Variants in MBD5 observed in about 807,000 individuals in gnomAD.
MBD5 encodes the protein methyl-CpG-binding domain protein 5.
Under a neutral mutation model 117.3 loss-of-function variants are expected in MBD5, and 13 were observed. The observed-to-expected ratio is 0.11, with a 90% CI of 0.07 to 0.18. MBD5 has a LOEUF of 0.18. Among genes scored for constraint, MBD5 ranks in the 10% least tolerant of loss-of-function variants. The pLI, the probability that MBD5 is intolerant of heterozygous loss-of-function variation, is 1.00. For synonymous variants in MBD5, 727 were observed against 766.4 expected, an observed-to-expected ratio of 0.95 and a Z score of 0.85; for missense variants, 1,879 against 2,093.8, an observed-to-expected ratio of 0.90 and a Z score of 2.00.
At chr2:148,445,424 A>G (rs1706467374) in intron 4 of MBD5, among the ~76,000 whole-genome samples, 1 of 150,988 alleles carries the variant, frequency 6.6e-6, no homozygotes, top group Admixed American at 6.6e-5. Flanking sequence ...GCTGAGAATG[A>G]TGGTTTCCAG....
At chr2:148,204,135 A>G (rs567185346) in intron 2 of MBD5, among the ~76,000 whole-genome samples, 8 of 152,216 alleles carry the variant, frequency 5.3e-5, no homozygotes, top group Non-Finnish European at 1.2e-4. Flanking sequence ...CCTACAATCC[A>G]GAAAGCAAGG....
intron 4 of MBD5, among the ~76,000 whole-genome samples, chr2:148,390,882 C>T (rs114922897): frequency 6.6e-6 from 1 of 152,246 alleles, no homozygotes; most frequent in Non-Finnish European, 1.5e-5. Context: ...TTGTTAATTA[C>T]AAATTTTAAA....
chr2:148,346,227 A>T (rs1703121670), intron 4 of MBD5: 1 of 152,342 alleles, frequency 6.6e-6, no homozygotes, highest in Non-Finnish European at 1.5e-5. Flanking sequence ...AGGAAGAGGA[A>T]GAAGAAATGG....
At chr2:148,306,599 T>G (rs1701901931) in intron 3 of MBD5, among the ~76,000 whole-genome samples, 1 of 152,172 alleles carries the variant, frequency 6.6e-6, no homozygotes. Flanking sequence ...TTGCTCTAAG[T>G]TATAGATAGT....
In MBD5 at chr2:148,153,363, G is replaced by T. The variant is rs982290211; in HGVS notation, c.-924-25337G>T. Among the ~76,000 whole-genome samples the T allele has an allele frequency of 2.0e-5, 3 of 151,594 alleles. 1 individual carries two copies. Among genetic ancestry groups the T allele is most frequent in the South Asian group, 2.1e-4 (1 of 4,762 alleles). ...GGAAAACTGACCTTTCTCTCTGGCT[G>T]CCCTTAACATTTTTTCCTTCATTTC... On this transcript the variant is annotated intron_variant, in intron 1 of 13. Transcript: ENST00000642680.
intron 1 of MBD5, among the ~76,000 whole-genome samples, chr2:148,102,709 CACACACACACACACACACACAGAGAGAG>C: frequency 5.3e-5 from 1 of 18,726 alleles, no homozygotes; most frequent in African/African-American, 1.2e-4. Flanking sequence ...ATCACACACA[CACACACACACACACACACACAGAGAGAG>C]AGAGAGAGAG....
At chr2:148,454,862 G>A (rs964453829) in intron 4 of MBD5, among the ~76,000 whole-genome samples, 2 of 151,992 alleles carry the variant, frequency 1.3e-5, no homozygotes, top group Non-Finnish European at 2.9e-5. Context: ...TGGTTCCATA[G>A]ACATTTAGGA....
rs758847157 is a variant in MBD5, at chr2:148,512,906, C to T, written c.5149C>T (p.Pro1717Ser). 3.7e-6 allele frequency: 6 copies of T among 1,613,576 alleles called. No homozygotes were observed. Among genetic ancestry groups the T allele is most frequent in the East Asian group, 2.2e-5 (1 of 44,882 alleles). The change falls in exon 14 of 14, where the codon CCC becomes TCC. Residue 1717 changes from proline to serine, a missense_variant. Transcript: ENST00000642680. ...CCCACAGGGTGACAGACAAATGAGA[C>T]CCCCCAAACCCAAGAGGAGGAAGAT... ...QIPQGDRQMRPPKPKRRKISR is the reference protein window; with the variant it reads ...QIPQGDRQMRSPKPKRRKISR
At chr2:148,033,249 A>C (rs981833189) in intron 1 of MBD5, among the ~76,000 whole-genome samples, 5 of 152,202 alleles carry the variant, frequency 3.3e-5, no homozygotes, top group Non-Finnish European at 7.3e-5. Context: ...GAGCTACCAA[A>C]TGTCAGCAAT....
chr2:148,226,995 T>G (rs1238293806), intron 2 of MBD5, among the ~76,000 whole-genome samples: 148 of 152,330 alleles, frequency 9.7e-4, no homozygotes, highest in African/African-American at 1.7e-3. Context: ...TTGAGTTAAT[T>G]GTAGATTCTG....
intron 4 of MBD5, among the ~76,000 whole-genome samples, chr2:148,367,745 C>T (rs542374055): frequency 4.0e-4 from 61 of 152,068 alleles, no homozygotes; most frequent in Non-Finnish European, 6.5e-4. Flanking sequence ...TATCACTGGT[C>T]ATTAGAGAAA....
intron 4 of MBD5, among the ~76,000 whole-genome samples, chr2:148,379,328 T>C (rs894629552): frequency 6.6e-6 from 1 of 151,874 alleles, no homozygotes; most frequent in Admixed American, 6.6e-5. Flanking sequence ...TCAACAGCAA[T>C]AATGGAAGCT....
chr2:148,262,419 C>T (rs1406062879), intron 3 of MBD5, among the ~76,000 whole-genome samples: 1 of 152,036 alleles, frequency 6.6e-6, no homozygotes, highest in Admixed American at 6.6e-5. Flanking sequence ...TACAGAAAGT[C>T]TATACATTCT....
At chr2:148,477,203 T>C (rs1335630450) in intron 8 of MBD5, among the ~76,000 whole-genome samples, 2 of 152,122 alleles carry the variant, frequency 1.3e-5, no homozygotes, top group Non-Finnish European at 2.9e-5. Flanking sequence ...TTGATAGTCA[T>C]AACTACACAG....
intron 4 of MBD5, among the ~76,000 whole-genome samples, chr2:148,356,194 G>T (rs965060293): frequency 2.6e-5 from 4 of 152,054 alleles, no homozygotes; most frequent in African/African-American, 7.2e-5. Context: ...TGCATTTGGT[G>T]TTCCCTCTAC....
At chr2:148,040,141 C>A (rs1259064065) in intron 1 of MBD5, among the ~76,000 whole-genome samples, 1 of 151,982 alleles carries the variant, frequency 6.6e-6, no homozygotes, top group Non-Finnish European at 1.5e-5. Context: ...ATGCAGTTTA[C>A]CTATCTGACA....
At chr2:148,029,144 C>T (rs1693974284) in intron 1 of MBD5, among the ~76,000 whole-genome samples, 1 of 151,968 alleles carries the variant, frequency 6.6e-6, no homozygotes, top group African/African-American at 2.4e-5. Flanking sequence ...ATAAGCTTTC[C>T]TAAATCATAC....
chr2:148,287,124 C>G (rs1462680550), intron 3 of MBD5, among the ~76,000 whole-genome samples: 1 of 152,114 alleles, frequency 6.6e-6, no homozygotes, highest in Non-Finnish European at 1.5e-5. Flanking sequence ...ATTCTCCTTT[C>G]AAACACCCAT....
At chr2:148,096,367 C>T (rs1426375102) in intron 1 of MBD5, among the ~76,000 whole-genome samples, 4 of 151,526 alleles carry the variant, frequency 2.6e-5, no homozygotes, top group African/African-American at 9.7e-5. Context: ...TGCTGCTAAA[C>T]ATCTTATAGT....
Sources: gnomAD v4.1 joint callset for allele counts (sites outside exome capture counted in the v4.1 genomes callset) on GRCh38, gnomAD v4.1.1 for gene constraint, MANE v1.5 for transcripts, NCBI Gene and HGNC (gene_info 2026-07-23, HGNC 2026-07-21) for gene names.